The following CEP112 variants were observed in gnomAD, a reference collection of about 807,000 sequenced individuals.
CEP112 encodes centrosomal protein 112, also known as centrosomal protein of 112 kDa.
CEP112 carries 127 observed loss-of-function variants against 153.0 expected under a neutral mutation model. The ratio of observed to expected loss-of-function variants is 0.83; its 90% CI spans 0.72 to 0.96. The LOEUF is 0.96. Among genes scored for constraint, CEP112 ranks in the 40% least tolerant of loss-of-function variants. The probability of loss-of-function intolerance (pLI) is 0.00; values close to 1 mark genes in which losing one functional copy is unlikely to be tolerated. For missense variants in CEP112, 1,089 were observed against 1,101.2 expected, an observed-to-expected ratio of 0.99 and a Z score of 0.16; for synonymous variants, 358 against 374.4, an observed-to-expected ratio of 0.96 and a Z score of 0.51.
intron 26 of CEP112, among the ~76,000 whole-genome samples, chr17:65,636,179 A>T (rs1190016820): frequency 6.6e-6 from 1 of 152,260 alleles, no homozygotes; most frequent in Non-Finnish European, 1.5e-5. Flanking sequence ...GATTCACAAG[A>T]TCTTTCCTTT....
At chr17:65,720,935 G>A (rs1448574506) in intron 23 of CEP112, among the ~76,000 whole-genome samples, 1 of 151,862 alleles carries the variant, frequency 6.6e-6, no homozygotes, top group Non-Finnish European at 1.5e-5. Context: ...TTTCTAAATG[G>A]TGGGTCTGGG....
intron 4 of CEP112, among the ~76,000 whole-genome samples, chr17:66,135,941 G>C (rs1164653867): frequency 6.6e-6 from 1 of 152,114 alleles, no homozygotes; most frequent in Non-Finnish European, 1.5e-5. Context: ...GGTGACGTCA[G>C]ATGTCAGCAA....
chr17:65,782,891 A>T (rs991676623), intron 21 of CEP112, among the ~76,000 whole-genome samples: 1 of 152,122 alleles, frequency 6.6e-6, no homozygotes, highest in African/African-American at 2.4e-5. Flanking sequence ...TGACAGGATC[A>T]TTTGTACCAT....
At chr17:65,981,663 C>T (rs2063232030) in intron 17 of CEP112, among the ~76,000 whole-genome samples, 1 of 152,168 alleles carries the variant, frequency 6.6e-6, no homozygotes, top group Non-Finnish European at 1.5e-5. Flanking sequence ...CAGCCTCCAC[C>T]ACCCAGGTTC....
At chr17:65,930,546 T>A (rs73346899) in intron 18 of CEP112, among the ~76,000 whole-genome samples, 9,839 of 152,296 alleles carry the variant, frequency 0.065, 463 homozygotes, top group African/African-American at 0.12. Flanking sequence ...TATTAAGTCA[T>A]CAGTGTAAAA....
At chr17:65,921,020 C>CT (rs1042822773) in intron 19 of CEP112, among the ~76,000 whole-genome samples, 34 of 147,716 alleles carry the variant, frequency 2.3e-4, no homozygotes, top group South Asian at 1.1e-3. Flanking sequence ...AAACTTTAAA[C>CT]TTTTTTTTTT....
At chr17:66,139,647 T>A (rs1300488868) in intron 4 of CEP112, among the ~76,000 whole-genome samples, 1 of 151,734 alleles carries the variant, frequency 6.6e-6, no homozygotes, top group Non-Finnish European at 1.5e-5. Flanking sequence ...TGTAAGAAAG[T>A]ACTATGAGCA....
chr17:65,801,117 G>A (rs1463803206), intron 21 of CEP112, among the ~76,000 whole-genome samples: 16 of 152,016 alleles, frequency 1.1e-4, no homozygotes, highest in Admixed American at 9.9e-4. Context: ...CCAGGCTGTA[G>A]TGCGCTGGTG....
At chr17:65,694,996 A>C (rs1567875186) in intron 23 of CEP112, among the ~76,000 whole-genome samples, 2 of 152,232 alleles carry the variant, frequency 1.3e-5, no homozygotes, top group Non-Finnish European at 2.9e-5. Flanking sequence ...CTAGCTCTGC[A>C]GTGTTAACTG....
At chr17:66,168,517 GTA>G (rs1026362123) in intron 4 of CEP112, among the ~76,000 whole-genome samples, 8 of 151,102 alleles carry the variant, frequency 5.3e-5, no homozygotes, top group African/African-American at 1.7e-4. Context: ...ATATGTGTGT[GTA>G]TATATATGTA....
rs570838849 is a variant in CEP112 at position 66,107,126 on chromosome 17, GAAAGAAGAAACATACTTCAGTACA to G, written c.643-10518_643-10495del. ...ATGATAAAAACCTTGAAAATTCTGGGAAAGAAGAAACATACTTCAGTACAACAAAAGTCATATACAACAGACCCA... is the reference window on the plus strand; with the variant it reads ...ATGATAAAAACCTTGAAAATTCTGGGACAAAAGTCATATACAACAGACCCA... On this transcript the variant is annotated intron_variant, in intron 6 of 26. Coordinates refer to ENST00000535342, the MANE Select transcript of CEP112 (RefSeq NM_001199165.4). Among the ~76,000 whole-genome samples the G allele has an allele frequency of 9.4e-3, 1,433 of 152,064 alleles. 10 individuals are homozygous for G. Among genetic ancestry groups the G allele is most frequent in the Middle Eastern group, 0.041 (12 of 294 alleles).
chr17:65,726,305 C>T (rs1180496633), intron 23 of CEP112, among the ~76,000 whole-genome samples: 1 of 151,668 alleles, frequency 6.6e-6, no homozygotes, highest in Non-Finnish European at 1.5e-5. Context: ...CACCATTGCA[C>T]TCTAGCATGG....
intron 21 of CEP112, among the ~76,000 whole-genome samples, chr17:65,823,148 T>C (rs2056672716): frequency 6.6e-6 from 1 of 152,032 alleles, no homozygotes; most frequent in African/African-American, 2.4e-5. Context: ...TAAACACAAA[T>C]TTAAAAATAT....
chr17:66,048,031 G>A (rs906496369), intron 12 of CEP112, among the ~76,000 whole-genome samples: 2 of 151,944 alleles, frequency 1.3e-5, no homozygotes, highest in Non-Finnish European at 2.9e-5. Context: ...CTAATACAAT[G>A]TAAGTGCTAC....
At chr17:65,857,771 C>T (rs903113062) in intron 20 of CEP112, among the ~76,000 whole-genome samples, 2 of 151,886 alleles carry the variant, frequency 1.3e-5, no homozygotes, top group East Asian at 3.9e-4. Flanking sequence ...AATTCAGTTG[C>T]TGAATGATGC....
At chr17:65,684,378 C>T (rs940042507) in intron 24 of CEP112, among the ~76,000 whole-genome samples, 2 of 152,106 alleles carry the variant, frequency 1.3e-5, no homozygotes, top group African/African-American at 4.8e-5. Flanking sequence ...TAAAGCTATT[C>T]ATACTTTCAA....
At chr17:65,763,914 G>A (rs377575568) in intron 21 of CEP112, among the ~76,000 whole-genome samples, 9 of 151,932 alleles carry the variant, frequency 5.9e-5, no homozygotes, top group African/African-American at 2.2e-4. Context: ...TTGGGTATAT[G>A]GAACTGCAGT....
intron 18 of CEP112, among the ~76,000 whole-genome samples, chr17:65,940,628 A>C (rs916622143): frequency 1.3e-5 from 2 of 152,210 alleles, no homozygotes; most frequent in African/African-American, 4.8e-5. Flanking sequence ...AAGTTAAATA[A>C]GCCAAGCACA....
chr17:66,033,686 T>C (rs2145759236), intron 12 of CEP112, among the ~76,000 whole-genome samples: 1 of 152,362 alleles, frequency 6.6e-6, no homozygotes, highest in African/African-American at 2.4e-5. Flanking sequence ...TCTACCTAAA[T>C]AAGCAGATCT....
Sources: allele counts gnomAD v4.1 joint callset (sites outside exome capture counted in the v4.1 genomes callset), GRCh38; gene constraint gnomAD v4.1.1; transcripts MANE v1.5; gene names NCBI Gene and HGNC (gene_info 2026-07-23, HGNC 2026-07-21).